SNAPC4: variants seen among roughly 807,000 people sequenced by gnomAD.
SNAPC4 encodes snRNA-activating protein complex subunit 4.
Under a neutral mutation model 151.3 loss-of-function variants are expected in SNAPC4, and 127 were observed. That is an observed-to-expected ratio of 0.84 (90% CI 0.73 to 0.97). The LOEUF is 0.97. Among genes scored for constraint, SNAPC4 ranks in the 50% least tolerant of loss-of-function variants. The pLI is 0.00. For missense variants in SNAPC4, 2,186 were observed against 1,935.0 expected (o/e 1.13, Z -2.43); for synonymous variants, 1,002 against 824.4 (o/e 1.22, Z -3.69).
intron 6 of SNAPC4, 138 bp from the exon 7 acceptor site, chr9:136,394,468 G>A (rs908030805): frequency 8.2e-5 from 62 of 756,258 alleles, no homozygotes; most frequent in Non-Finnish European, 1.4e-4. Context: ...TACTGACGTG[G>A]CCCCTCCACC....
chr9:136,378,522 G>A lies in SNAPC4; in HGVS notation c.3305C>T (p.Thr1102Ile). 4.4e-6 allele frequency: 7 copies of A among 1,591,826 alleles called. No individual in the cohort carries two copies. Among genetic ancestry groups the A allele is most frequent in the Non-Finnish European group, 6.0e-6 (7 of 1,174,862 alleles). The part of the protein sequence containing the change: ...AVVSLPRPAG[T>I]PGPAGLLATL... The stretch of plus-strand genomic sequence containing the variant: ...GGCCAGCAGCCCTGCGGGGCCAGGG[G>A]TCCCTGCTGGCCTGGGAAGGCTCAC... The change falls in exon 22 of 24, where the codon ACC (threonine) becomes ATC (isoleucine). Residue 1102 changes from threonine to isoleucine, a missense_variant. Coordinates refer to ENST00000684778, the MANE Select transcript of SNAPC4 (RefSeq NM_003086.4).
Position 136,395,442 on chromosome 9 carries a change from A to G in SNAPC4, c.346-19T>C. The G allele has an allele frequency of 6.2e-7, 1 of 1,610,266 alleles. No individual in the cohort carries two copies. The highest frequency in any genetic ancestry group is 8.5e-7 in the Non-Finnish European group (1 of 1,178,130). ...GTTCCTCCTGTGACAGACACAAGGC[A>G]GGGACCCCTCTATGGACCAGCAGCA... is the stretch of plus-strand genomic sequence containing the variant. On this transcript the variant is annotated intron_variant, in intron 4 of 23. Transcript: ENST00000684778.
At chr9:136,395,204 A>G (rs1834221828) in intron 5 of SNAPC4, 94 bp downstream of exon 5, 11 of 1,475,624 alleles carry the variant, frequency 7.5e-6, no homozygotes, top group Non-Finnish European at 1.0e-5. Flanking sequence ...TTGAACTCAC[A>G]GGAATTCACG....
Position 136,392,114 on chromosome 9 carries a change from G to T in SNAPC4, c.811-8C>A. On this transcript the variant is annotated splice_polypyrimidine_tract_variant and splice_region_variant and intron_variant, in intron 9 of 23. Coordinates refer to ENST00000684778, the MANE Select transcript of SNAPC4 (RefSeq NM_003086.4). ...ACTGCGGCTGCCTTCAAACTGCACC[G>T]ACAGAGACACTCAGCCTTGCAGGCC... The T allele has an allele frequency of 1.2e-6, 2 of 1,611,122 alleles. No homozygotes were observed. The highest frequency in any genetic ancestry group is 8.5e-7 in the Non-Finnish European group (1 of 1,179,984).
chr9:136,398,324 T>C lies in SNAPC4; in HGVS notation c.105A>G (p.Ser35=). The change falls in exon 2 of 24, where the codon TCA becomes TCG. Residue 35 remains serine (S), a synonymous_variant. Transcript: ENST00000684778. ...SSGSHVEISE[S]SLESDSEADS... Reference sequence around the variant, plus strand: ...CTGCTTCAGAATCTGACTCGAGACTTGATTCTGAGATCTCCACGTGGGAGC... The same window carrying C: ...CTGCTTCAGAATCTGACTCGAGACTCGATTCTGAGATCTCCACGTGGGAGC... 1 of 1,612,010 alleles carries C rather than the reference T, an allele frequency of 6.2e-7. No homozygotes were observed. The highest frequency in any genetic ancestry group is 8.5e-7 in the Non-Finnish European group (1 of 1,179,096).
At position 136,383,904 on chromosome 9, in the gene SNAPC4, T is replaced by G. The variant is rs1407930492; in HGVS notation, c.1500+49A>C. ...CCTCCTGCCTGCTGGACCCCCCAGT[T>G]GACCAGGCCATTGTCTGGTTTCAGA... On this transcript the variant is annotated intron_variant, in intron 15 of 23. Transcript: ENST00000684778. This position sits in a 1 kb window ranked among gnomAD's most constrained non-coding sequence, Gnocchi z 4.2. The G allele has an allele frequency of 6.6e-7, 1 of 1,518,756 alleles. No individual in the cohort carries two copies. Among genetic ancestry groups the G allele is most frequent in the African/African-American group, 1.4e-5 (1 of 73,002 alleles). 94.1% of individuals were successfully genotyped at this position (1,518,756 alleles called of 1,614,324 possible). A position where few individuals can be genotyped will look rare whatever the true frequency, so the allele number is the denominator to read the frequency against.
chr9:136,392,163 C>A lies in SNAPC4; in HGVS notation c.811-57G>T, dbSNP rs561166327. 6.4e-5 allele frequency: 103 copies of A among 1,597,884 alleles called. 1 individual carries two copies. The South Asian group carries it at 1.1e-3, about 16-fold the overall frequency. ...CCACTGACCCCAGGGGCACCCTAGACGCAGCTCCAGGCTGAGCTGTTGCTC... is the reference window on the plus strand; with the variant it reads ...CCACTGACCCCAGGGGCACCCTAGAAGCAGCTCCAGGCTGAGCTGTTGCTC... On this transcript the variant is annotated intron_variant, in intron 9 of 23. Coordinates refer to ENST00000684778, the MANE Select transcript of SNAPC4 (RefSeq NM_003086.4).
chr9:136,396,786 G>A (rs1022510975), intron 3 of SNAPC4, among the ~76,000 whole-genome samples, 191 bp downstream of exon 3: 31 of 152,230 alleles, frequency 2.0e-4, no homozygotes, highest in African/African-American at 7.2e-4. Context: ...TGATCACCAA[G>A]CTGTTAACAG....
At position 136,383,905 on chromosome 9, in the gene SNAPC4, G is replaced by T. The variant is rs769276365; in HGVS notation, c.1500+48C>A. On this transcript the variant is annotated intron_variant, in intron 15 of 23. Transcript: ENST00000684778. The surrounding 1 kb of genome is among the most constrained non-coding windows in gnomAD (Gnocchi z 4.2). ...CTCCTGCCTGCTGGACCCCCCAGTT[G>T]ACCAGGCCATTGTCTGGTTTCAGAT... 7 of 1,477,406 alleles carry T rather than the reference G, an allele frequency of 4.7e-6. No homozygotes were observed. The highest frequency in any genetic ancestry group is 5.7e-6 in the Non-Finnish European group (6 of 1,056,882). The allele number at this position is 1,477,406 out of a possible 1,614,324, so 91.5% of individuals were successfully genotyped here. A position where few individuals can be genotyped will look rare whatever the true frequency, so the allele number is the denominator to read the frequency against.
intron 13 of SNAPC4, among the ~76,000 whole-genome samples, chr9:136,386,677 G>A (rs1564387392): frequency 6.6e-6 from 1 of 152,104 alleles, no homozygotes; most frequent in Non-Finnish European, 1.5e-5. Flanking sequence ...CAGGTGATCC[G>A]CCGGCCTCGG....
At position 136,394,846 on chromosome 9, in the gene SNAPC4, C is replaced by A. The variant is rs1392951660; in HGVS notation, c.504G>T (p.Lys168Asn). Residue 168 changes from lysine (K) to asparagine (N), a missense_variant, in exon 6 of 24, where the codon AAG becomes AAT. Lys to Asn is a moderately conservative substitution (Grantham distance 94). Coordinates refer to ENST00000684778, the MANE Select transcript of SNAPC4 (RefSeq NM_003086.4). ...CGAAAGCCTTGATCCCCTGGGCAGC[C>A]TTCTCTCGTGTGTCCTCGTTGGCAG... ...GPPANEDTREKAAQGIKAFEE... is the reference protein window; with the variant it reads ...GPPANEDTRENAAQGIKAFEE... 6.2e-7 allele frequency: 1 copy of A among 1,613,838 alleles called. No individual in the cohort carries two copies. The highest frequency in any genetic ancestry group is 8.5e-7 in the Non-Finnish European group (1 of 1,180,004).
chr9:136,382,226 C>T lies in SNAPC4; in HGVS notation c.2067+27G>A, dbSNP rs1213673862. On this transcript the variant is annotated intron_variant, in intron 17 of 23. Transcript: ENST00000684778. ...CCAGGGCGGGGCACGTGGTGGCGTG[C>T]GCGTGGGTGTCTGCAGCAGGCCTCA... 6.2e-6 allele frequency: 10 copies of T among 1,608,940 alleles called. No homozygotes were observed. The East Asian group carries it at 6.7e-5, about 11-fold the overall frequency.
Position 136,380,818 on chromosome 9 carries a change from CT to C in SNAPC4, c.2420del (p.Glu807GlyfsTer121). On this transcript the variant is annotated frameshift_variant, in exon 20 of 24. Transcript: ENST00000684778. LOFTEE classifies it high-confidence loss of function. ...GCAGGGCCTTCCTCTCTCGGACGAC[CT>C]CCAAGCAGCCGGCAGTATCGATGTG... Reference protein sequence around the residue: ...LFHIDTAGCLEVVRERKALPP... With the variant: ...LFHIDTAGCLXVVRERKALPP... 6.2e-7 allele frequency: 1 copy of C among 1,611,452 alleles called. No individual in the cohort carries two copies. The highest frequency in any genetic ancestry group is 1.3e-5 in the African/African-American group (1 of 75,020).
chr9:136,393,715 C>A (rs1287061080), intron 7 of SNAPC4, among the ~76,000 whole-genome samples: 2 of 152,178 alleles, frequency 1.3e-5, no homozygotes, highest in African/African-American at 4.8e-5. Flanking sequence ...CACCCCTCAT[C>A]GTGGCTGTGT....
In SNAPC4 at chr9:136,379,862, T is replaced by C. The variant is rs764859943; in HGVS notation, c.2502A>G (p.Ala834=). 2.0e-5 allele frequency: 33 copies of C among 1,613,018 alleles called. No individual in the cohort carries two copies. In the East Asian group the frequency reaches 7.4e-4, roughly 36 times the overall value. ...ARDPPVHLLQ[A]SSSAQSTPGH... Reference sequence around the variant, plus strand: ...CTGGGGTGCTCTGGGCACTTGAGGATGCCTGGAAATGAAAGAGAGGAGAGT... The same window carrying C: ...CTGGGGTGCTCTGGGCACTTGAGGACGCCTGGAAATGAAAGAGAGGAGAGT... Residue 834 remains alanine (A), a splice_region_variant and synonymous_variant, in exon 21 of 24, where the codon GCA becomes GCG. Coordinates refer to ENST00000684778, the MANE Select transcript of SNAPC4 (RefSeq NM_003086.4).
chr9:136,392,912 T>C, intron 7 of SNAPC4, 135 bp from the exon 8 acceptor site: 1 of 714,286 alleles, frequency 1.4e-6, no homozygotes. Context: ...TGCCTCGGCC[T>C]CCTCACCCAT....
Position 136,378,324 on chromosome 9 carries a change from T to C in SNAPC4, c.3503A>G (p.Asp1168Gly), listed in dbSNP as rs764390362. The stretch of plus-strand genomic sequence containing the variant: ...TCCAGGGACAAAGGCCACACTGCCA[T>C]CCGCTTCTGCAGGACTTTGGGAGAG... ...HALSQSPAEA[D>G]GSVAFVPGEA... The change falls in exon 22 of 24, where the codon GAT (aspartate) becomes GGT (glycine). Residue 1168 changes from aspartate (D) to glycine (G), a missense_variant. Transcript: ENST00000684778. 6.2e-7 allele frequency: 1 copy of C among 1,605,070 alleles called. No homozygotes were observed. Among genetic ancestry groups the C allele is most frequent in the South Asian group, 1.1e-5 (1 of 89,706 alleles).
intron 20 of SNAPC4, 152 bp from the exon 21 acceptor site, chr9:136,380,016 T>C: frequency 6.9e-7 from 1 of 1,454,130 alleles, no homozygotes; most frequent in Non-Finnish European, 9.5e-7. Flanking sequence ...CTGTAGGAAC[T>C]CCGGGGCCAC....
At position 136,396,857 on chromosome 9, in the gene SNAPC4, G is replaced by A. The variant is rs1339572902; in HGVS notation, c.177+120C>T. 5.6e-5 allele frequency: 44 copies of A among 786,996 alleles called. No homozygotes were observed. In the East Asian group the frequency reaches 1.1e-3, roughly 19 times the overall value. The allele number at this position is 786,996 out of a possible 1,614,324, so 48.8% of individuals were successfully genotyped here. ...TTTTTAATTTTTTTATAACAAACGT[G>A]AATCATTTTTATAATGCAGAAAAAC... On this transcript the variant is annotated intron_variant, in intron 3 of 23. Coordinates refer to ENST00000684778, the MANE Select transcript of SNAPC4 (RefSeq NM_003086.4).
Sources: allele counts gnomAD v4.1 joint callset (sites outside exome capture counted in the v4.1 genomes callset), GRCh38; gene constraint gnomAD v4.1.1; non-coding constraint Gnocchi (gnomAD v3.1); transcripts MANE v1.5; gene names NCBI Gene and HGNC (gene_info 2026-07-23, HGNC 2026-07-21).